The following HCK variants were observed in gnomAD, a reference collection of about 807,000 sequenced individuals.
HCK encodes tyrosine-protein kinase HCK.
In HCK, 40 loss-of-function variants were observed where a neutral mutation model predicts 70.4. The ratio of observed to expected loss-of-function variants is 0.57; its 90% CI spans 0.44 to 0.74. The LOEUF (loss-of-function observed/expected upper bound fraction) is 0.74. Ranked by LOEUF, HCK falls within the 30% of genes least tolerant of loss-of-function variation. The pLI is 0.00. For synonymous variants in HCK, 245 were observed against 263.2 expected (o/e 0.93, Z 0.67); for missense variants, 568 against 697.2 (o/e 0.81, Z 2.09).
At chr20:32,062,845 G>T (rs1438138831) in intron 1 of HCK, among the ~76,000 whole-genome samples, 1 of 152,200 alleles carries the variant, frequency 6.6e-6, no homozygotes, top group East Asian at 1.9e-4. Context: ...CACCCCCAAG[G>T]CACTGCTCAG....
intron 6 of HCK, 127 bp from the exon 7 acceptor site, chr20:32,083,767 C>A: frequency 2.7e-6 from 3 of 1,107,896 alleles, no homozygotes; most frequent in Non-Finnish European, 2.7e-6. Context: ...CCCACTCAGA[C>A]CCTCGGGCAC....
At chr20:32,087,904 C>T (rs1171929579) in intron 9 of HCK, among the ~76,000 whole-genome samples, 4 of 152,076 alleles carry the variant, frequency 2.6e-5, no homozygotes, top group African/African-American at 9.7e-5. Flanking sequence ...AGCCTCCCAC[C>T]ATGCTGGAAT....
chr20:32,097,368 A>G (rs2045970666), intron 11 of HCK, among the ~76,000 whole-genome samples: 1 of 152,144 alleles, frequency 6.6e-6, no homozygotes, highest in Non-Finnish European at 1.5e-5. Flanking sequence ...TCACGAGGTC[A>G]GGAGATCGAG....
chr20:32,068,730 G>A (rs1021148593), intron 1 of HCK, among the ~76,000 whole-genome samples: 3 of 152,112 alleles, frequency 2.0e-5, no homozygotes, highest in Admixed American at 2.0e-4. Context: ...ACCAGCCTGA[G>A]CAACATTGTG....
intron 1 of HCK, among the ~76,000 whole-genome samples, chr20:32,060,085 C>A (rs895503909): frequency 6.6e-6 from 1 of 152,094 alleles, no homozygotes; most frequent in Non-Finnish European, 1.5e-5. Context: ...AACTGGCCAC[C>A]ATGTCCTGTC....
At chr20:32,052,617 G>C in intron 1 of HCK, 131 bp downstream of exon 1, 1 of 597,400 alleles carries the variant, frequency 1.7e-6, no homozygotes, top group Non-Finnish European at 2.5e-6. Flanking sequence ...CGGAACGTCG[G>C]GGGAGCCGCG....
At position 32,084,069 on chromosome 20, in the gene HCK, C is replaced by T. The variant is rs1365262715; in HGVS notation, c.682+26C>T. On this transcript the variant is annotated intron_variant, in intron 7 of 12. Coordinates refer to ENST00000375852, the MANE Select transcript of HCK (RefSeq NM_002110.5). ...GTGAGTCCCACCCCAGGGGTGACAT[C>T]CCCACCACGATGGGCCCACAGACTC... 7 of 1,608,488 alleles carry T rather than the reference C, an allele frequency of 4.4e-6. No individual in the cohort carries two copies. The East Asian group carries it at 8.9e-5, about 21-fold the overall frequency.
intron 1 of HCK, among the ~76,000 whole-genome samples, chr20:32,052,901 G>T (rs1183701326): frequency 6.6e-6 from 1 of 151,874 alleles, no homozygotes; most frequent in African/African-American, 2.4e-5. Context: ...GGGTCACGCC[G>T]GGTTGGCAGC....
intron 5 of HCK, among the ~76,000 whole-genome samples, chr20:32,077,083 CA>C (rs1266525516): frequency 6.6e-6 from 1 of 151,974 alleles, no homozygotes; most frequent in Non-Finnish European, 1.5e-5. Context: ...GACTCTATCT[CA>C]AAAAATAATA....
intron 1 of HCK, among the ~76,000 whole-genome samples, chr20:32,053,997 CT>C (rs34507358): frequency 0.082 from 12,102 of 147,006 alleles, 997 homozygotes; most frequent in African/African-American, 0.22. Context: ...CTTTATGGTC[CT>C]TTTTTTTTTA....
chr20:32,097,396 G>A (rs962210042), intron 11 of HCK, among the ~76,000 whole-genome samples: 5 of 151,850 alleles, frequency 3.3e-5, no homozygotes, highest in Admixed American at 6.6e-5. Flanking sequence ...TGGCTAACAC[G>A]GTGAAACCCC....
In HCK at chr20:32,092,946, A is replaced by G. The variant is rs183324585; in HGVS notation, c.1093-917A>G. 3.3e-5 allele frequency among the ~76,000 whole-genome samples: 5 copies of G among 150,286 alleles called. No homozygotes were observed. In the East Asian group the frequency reaches 5.8e-4, roughly 17 times the overall value. ...AGGTCATATTTTGTTACTTTGTTTT[A>G]TCTTTTTTTTCTTTTTGAGACAGAG... On this transcript the variant is annotated intron_variant, in intron 10 of 12. Coordinates refer to ENST00000375852, the MANE Select transcript of HCK (RefSeq NM_002110.5).
intron 1 of HCK, among the ~76,000 whole-genome samples, chr20:32,057,176 G>C (rs1387904212): frequency 6.6e-6 from 1 of 152,194 alleles, no homozygotes; most frequent in Non-Finnish European, 1.5e-5. Context: ...GGCTACACCT[G>C]GGCTGTCCAG....
At chr20:32,075,030 A>G (rs1338329661) in intron 5 of HCK, among the ~76,000 whole-genome samples, 1 of 152,232 alleles carries the variant, frequency 6.6e-6, no homozygotes, top group African/African-American at 2.4e-5. Context: ...CCTGCAAGGA[A>G]GAGAGCTGGT....
At position 32,074,643 on chromosome 20, in the gene HCK, C is replaced by T. The variant is rs1459752290; in HGVS notation, c.350C>T (p.Ala117Val). 6.2e-7 allele frequency: 1 copy of T among 1,613,532 alleles called. No individual in the cohort carries two copies. Among genetic ancestry groups the T allele is most frequent in the Admixed American group, 1.7e-5 (1 of 60,002 alleles). The change falls in exon 5 of 13, where the codon GCT (alanine) becomes GTT (valine). Residue 117 changes from alanine to valine, a missense_variant. Ala to Val is a moderately conservative substitution (Grantham distance 64). Around this residue, in one of 4 missense-constraint regions of HCK, gnomAD observed 318 missense variants for 336.0 expected, o/e 0.95. Coordinates refer to ENST00000375852, the MANE Select transcript of HCK (RefSeq NM_002110.5). ...CTCAGATCCGGGGAGTGGTGGAAGG[C>T]TCGATCCCTGGCCACCCGGAAGGAG...
intron 3 of HCK, 88 bp from the exon 4 acceptor site, chr20:32,073,628 G>T (rs867153945): frequency 5.1e-5 from 43 of 842,604 alleles, no homozygotes; most frequent in Non-Finnish European, 8.1e-5. Flanking sequence ...CGATGGGTGC[G>T]GAGCTGTTCC....
chr20:32,101,341 G>C lies in HCK; in HGVS notation c.1403G>C (p.Arg468Pro). The C allele has an allele frequency of 6.2e-7, 1 of 1,614,144 alleles. No individual in the cohort carries two copies. The highest frequency in any genetic ancestry group is 8.5e-7 in the Non-Finnish European group (1 of 1,180,016). ...GGGATGTCAAACCCTGAAGTGATCC[G>C]AGCTCTGGAGCGTGGATACCGGATG... Residue 468 changes from arginine (R) to proline (P), a missense_variant, in exon 13 of 13, where the codon CGA becomes CCA. Around this residue, in one of 4 missense-constraint regions of HCK, gnomAD observed 77 missense variants for 85.0 expected, o/e 0.91. Coordinates refer to ENST00000375852, the MANE Select transcript of HCK (RefSeq NM_002110.5).
Position 32,069,705 on chromosome 20 carries a change from G to A in HCK, c.63-1957G>A, listed in dbSNP as rs781437224. On this transcript the variant is annotated intron_variant, in intron 1 of 12. Transcript: ENST00000375852. ...TCCAAAAGACAAACAAAGCAAAACC[G>A]CTCAAGTCTTGAGGTGGCAAATCTT... 12 of 1,002,368 alleles carry A rather than the reference G, an allele frequency of 1.2e-5. No individual in the cohort carries two copies. In the East Asian group the frequency reaches 4.2e-4, roughly 35 times the overall value. 62.1% of individuals were successfully genotyped at this position (1,002,368 alleles called of 1,614,324 possible).
intron 4 of HCK, 73 bp downstream of exon 4, chr20:32,073,891 A>G (rs1324213399): frequency 3.5e-6 from 3 of 850,758 alleles, no homozygotes; most frequent in East Asian, 2.7e-5. Context: ...TTGTGCTTCC[A>G]TAAAGAACCT....
Sources: allele counts gnomAD v4.1 joint callset (sites outside exome capture counted in the v4.1 genomes callset), GRCh38; gene constraint gnomAD v4.1.1; regional missense constraint gnomAD v4.1.1; transcripts MANE v1.5; gene names NCBI Gene and HGNC (gene_info 2026-07-23, HGNC 2026-07-21).